The following SPAG6 variants were observed in gnomAD, a reference collection of about 807,000 sequenced individuals.
The protein encoded by SPAG6 is sperm-associated antigen 6.
Under a neutral mutation model 58.5 loss-of-function variants are expected in SPAG6, and 49 were observed. The observed-to-expected ratio is 0.84, with a 90% CI of 0.67 to 1.06. SPAG6 has a LOEUF of 1.06. Among genes scored for constraint, SPAG6 ranks in the 50% least tolerant of loss-of-function variants. The pLI is 0.00. For missense variants in SPAG6, 560 were observed against 611.3 expected (o/e 0.92, Z 0.89); for synonymous variants, 233 against 225.6 (o/e 1.03, Z -0.29).
At chr10:22,383,047 G>C (rs1035349652) in intron 4 of SPAG6, among the ~76,000 whole-genome samples, 34 of 152,108 alleles carry the variant, frequency 2.2e-4, no homozygotes, top group African/African-American at 6.8e-4. Context: ...ATTGTGTAAT[G>C]GAAGATATAT....
At chr10:22,410,994 A>G in intron 9 of SPAG6, 37 bp from the exon 10 acceptor site, 1 of 1,585,014 alleles carries the variant, frequency 6.3e-7, no homozygotes, top group Middle Eastern at 1.7e-4. Flanking sequence ...TAACTTGGAA[A>G]AGAAAAGCTG....
chr10:22,362,739 A>C (rs1241337416), intron 2 of SPAG6, among the ~76,000 whole-genome samples: 2 of 151,942 alleles, frequency 1.3e-5, no homozygotes, highest in African/African-American at 2.4e-5. Flanking sequence ...AAAACAACCC[A>C]AAAAAACAAA....
chr10:22,377,156 G>A (rs1457876590), intron 4 of SPAG6, among the ~76,000 whole-genome samples: 3 of 152,082 alleles, frequency 2.0e-5, no homozygotes, highest in Non-Finnish European at 4.4e-5. Context: ...GGACACTTAG[G>A]TGGCCTATGG....
In SPAG6 at chr10:22,368,552, C is replaced by T; in HGVS notation, c.346C>T (p.Gln116Ter). Residue 116 changes from glutamine to a stop codon, truncating the protein, a stop_gained, in exon 4 of 11, where the codon CAG becomes TAG. Transcript: ENST00000376624. LOFTEE classifies it high-confidence loss of function. The part of the protein sequence containing the change: ...VLRAVGKHSP[Q>*]LAQAIVDCGA... ...ACGAGCAGTTGGTAAACATTCTCCCCAGCTAGCTCAGGCAATAGTCGATTG... is the reference window on the plus strand; with the variant it reads ...ACGAGCAGTTGGTAAACATTCTCCCTAGCTAGCTCAGGCAATAGTCGATTG... 6.2e-7 allele frequency: 1 copy of T among 1,613,980 alleles called. No homozygotes were observed. The highest frequency in any genetic ancestry group is 8.5e-7 in the Non-Finnish European group (1 of 1,179,966).
chr10:22,404,633 C>T (rs1327922057), intron 9 of SPAG6, among the ~76,000 whole-genome samples: 1 of 129,338 alleles, frequency 7.7e-6, no homozygotes, highest in Non-Finnish European at 1.6e-5. Flanking sequence ...TTTTTTGGTT[C>T]CATATGAACT....
intron 10 of SPAG6, 96 bp from the exon 11 acceptor site, chr10:22,416,523 C>A: frequency 1.4e-6 from 1 of 736,880 alleles, no homozygotes; most frequent in Non-Finnish European, 2.4e-6. Context: ...AGATTTCACT[C>A]ACAGGATTAT....
intron 5 of SPAG6, 95 bp from the exon 6 acceptor site, chr10:22,387,728 A>T: frequency 8.3e-7 from 1 of 1,209,144 alleles, no homozygotes; most frequent in South Asian, 2.1e-5. Flanking sequence ...TTATAAAGGA[A>T]TTTGAATATA....
intron 6 of SPAG6, 60 bp from the exon 7 acceptor site, chr10:22,389,100 A>T: frequency 6.8e-7 from 1 of 1,465,782 alleles, no homozygotes; most frequent in South Asian, 1.3e-5. Context: ...GGCAATATTA[A>T]ACTGTATTTA....
chr10:22,399,709 C>G (rs2132101232), intron 8 of SPAG6, among the ~76,000 whole-genome samples: 1 of 152,230 alleles, frequency 6.6e-6, no homozygotes, highest in African/African-American at 2.4e-5. Flanking sequence ...TGATTAATAA[C>G]TTGACAATAC....
intron 10 of SPAG6, among the ~76,000 whole-genome samples, chr10:22,415,779 G>A (rs1834853505): frequency 6.6e-6 from 1 of 152,070 alleles, no homozygotes; most frequent in East Asian, 1.9e-4. Flanking sequence ...GCCTTCAGAA[G>A]CTTAATTATT....
intron 10 of SPAG6, among the ~76,000 whole-genome samples, chr10:22,414,281 C>T (rs1834817168): frequency 6.6e-6 from 1 of 152,098 alleles, no homozygotes; most frequent in Non-Finnish European, 1.5e-5. Flanking sequence ...AATTCGCTTA[C>T]ATTCTTAAAG....
At chr10:22,346,820 A>T (rs966871241) in intron 2 of SPAG6, among the ~76,000 whole-genome samples, 2 of 152,144 alleles carry the variant, frequency 1.3e-5, no homozygotes, top group African/African-American at 4.8e-5. Flanking sequence ...GGGGGCATGT[A>T]TTTACAATAA....
At chr10:22,392,960 C>G (rs1180941730) in intron 8 of SPAG6, among the ~76,000 whole-genome samples, 1 of 151,690 alleles carries the variant, frequency 6.6e-6, no homozygotes, top group East Asian at 1.9e-4. Context: ...GCTTTCTAGA[C>G]CAACAATTAT....
At chr10:22,389,537 G>A (rs1244035615) in intron 7 of SPAG6, among the ~76,000 whole-genome samples, 3 of 152,160 alleles carry the variant, frequency 2.0e-5, no homozygotes, top group African/African-American at 7.2e-5. Flanking sequence ...CAACTATTTT[G>A]AGCATTAGTA....
At chr10:22,401,381 G>A in intron 9 of SPAG6, 104 bp downstream of exon 9, 1 of 679,262 alleles carries the variant, frequency 1.5e-6, no homozygotes, top group Non-Finnish European at 2.6e-6. Flanking sequence ...CGGGGTCATG[G>A]TTTTACTGCT....
intron 4 of SPAG6, among the ~76,000 whole-genome samples, chr10:22,386,007 T>C (rs1259783912): frequency 6.6e-6 from 1 of 152,172 alleles, no homozygotes; most frequent in Non-Finnish European, 1.5e-5. Flanking sequence ...CTGTCTCCCA[T>C]TATCTGTAAT....
At chr10:22,389,789 CTCT>C (rs942226162) in intron 7 of SPAG6, among the ~76,000 whole-genome samples, 2 of 152,300 alleles carry the variant, frequency 1.3e-5, no homozygotes, top group Admixed American at 1.3e-4. Context: ...TTAACTATTT[CTCT>C]TCTTAGATTT....
intron 9 of SPAG6, among the ~76,000 whole-genome samples, chr10:22,410,395 T>G (rs1163381372): frequency 6.6e-6 from 1 of 152,102 alleles, no homozygotes; most frequent in African/African-American, 2.4e-5. Flanking sequence ...AGCACGTGGA[T>G]GGTGGTTTGA....
intron 9 of SPAG6, among the ~76,000 whole-genome samples, chr10:22,403,974 A>G (rs1301080180): frequency 1.3e-5 from 2 of 149,044 alleles, no homozygotes; most frequent in Non-Finnish European, 3.0e-5. Context: ...CCACTTTTTG[A>G]TGGGGTTGTT....
Sources: gnomAD v4.1 joint callset for allele counts (sites outside exome capture counted in the v4.1 genomes callset) on GRCh38, gnomAD v4.1.1 for gene constraint, MANE v1.5 for transcripts, NCBI Gene and HGNC (gene_info 2026-07-23, HGNC 2026-07-21) for gene names.